The following DCLK1 variants were observed in gnomAD, a reference collection of about 807,000 sequenced individuals.
The protein encoded by DCLK1 is serine/threonine-protein kinase DCLK1.
A neutral mutation model predicts 86.2 loss-of-function variants in DCLK1; 16 were observed. That is an observed-to-expected ratio of 0.19 (90% CI 0.13 to 0.28). The LOEUF (loss-of-function observed/expected upper bound fraction) is 0.28, where lower values mean the gene tolerates loss of function less well. Ranked by LOEUF, DCLK1 falls within the 10% of genes least tolerant of loss-of-function variation. DCLK1 has a pLI of 1.00. For synonymous variants in DCLK1, 369 were observed against 370.5 expected (o/e 1.00, Z 0.05); for missense variants, 590 against 940.2 (o/e 0.63, Z 4.87).
intron 5 of DCLK1, among the ~76,000 whole-genome samples, chr13:35,859,769 C>T (rs1027018794): frequency 6.6e-6 from 1 of 152,108 alleles, no homozygotes; most frequent in Non-Finnish European, 1.5e-5. Context: ...GCTCCCTGTC[C>T]CCAAGATGCT....
At chr13:35,946,700 T>C (rs997599740) in intron 4 of DCLK1, among the ~76,000 whole-genome samples, 3 of 152,220 alleles carry the variant, frequency 2.0e-5, no homozygotes, top group African/African-American at 4.8e-5. Context: ...TAGAATAATC[T>C]TACCTGTGAT....
chr13:36,129,991 C>A (rs904109465), intron 1 of DCLK1, among the ~76,000 whole-genome samples: 3 of 152,134 alleles, frequency 2.0e-5, no homozygotes, highest in African/African-American at 7.2e-5. Context: ...GCTACCACAT[C>A]TAAATAGATG....
intron 3 of DCLK1, among the ~76,000 whole-genome samples, chr13:36,013,386 T>C (rs1236779259): frequency 6.6e-6 from 1 of 151,822 alleles, no homozygotes; most frequent in African/African-American, 2.4e-5. Context: ...TTGTTGATGG[T>C]GATGTACAGA....
Position 35,827,705 on chromosome 13 carries a change from G to A in DCLK1, c.1337C>T (p.Pro446Leu). The A allele has an allele frequency of 6.2e-7, 1 of 1,613,858 alleles. No individual in the cohort carries two copies. Among genetic ancestry groups the A allele is most frequent in the Non-Finnish European group, 8.5e-7 (1 of 1,179,942 alleles). The change falls in exon 10 of 17, where the codon CCC becomes CTC. Residue 446 changes from proline to leucine, a missense_variant. Physicochemically the swap from Pro to Leu is moderately conservative, Grantham distance 98 (BLOSUM62 -3). Coordinates refer to ENST00000360631, the MANE Select transcript of DCLK1 (RefSeq NM_001330071.2). ...EVSILRRVKHPNIVLLIEEMD... is the reference protein window; with the variant it reads ...EVSILRRVKHLNIVLLIEEMD... The stretch of plus-strand genomic sequence containing the variant: ...CTCCTCAATCAGAAGAACGATATTG[G>A]GATGCTTCACTCTTCTTAAAATAGA...
At chr13:35,885,685 T>C (rs888488653) in intron 4 of DCLK1, among the ~76,000 whole-genome samples, 1 of 152,112 alleles carries the variant, frequency 6.6e-6, no homozygotes, top group Non-Finnish European at 1.5e-5. Context: ...CACACAAAAA[T>C]CAGGCATTAA....
intron 3 of DCLK1, among the ~76,000 whole-genome samples, chr13:35,966,045 T>C (rs998370401): frequency 6.6e-6 from 1 of 152,216 alleles, no homozygotes; most frequent in African/African-American, 2.4e-5. Flanking sequence ...GAAAAAACTT[T>C]TTTGAAAATA....
At chr13:35,791,585 T>C (rs939102344) in intron 16 of DCLK1, among the ~76,000 whole-genome samples, 3 of 152,166 alleles carry the variant, frequency 2.0e-5, no homozygotes, top group Non-Finnish European at 4.4e-5. Flanking sequence ...CCAACTTTGA[T>C]TAAAATAGGA....
chr13:35,815,706 TC>T, intron 11 of DCLK1, among the ~76,000 whole-genome samples: 1 of 152,316 alleles, frequency 6.6e-6, no homozygotes, highest in South Asian at 2.1e-4. Context: ...TAAATTTAAA[TC>T]TTTAATCTTT....
Position 35,871,214 on chromosome 13 carries a change from G to T in DCLK1, c.940+10C>A. On this transcript the variant is annotated intron_variant, in intron 5 of 16. Transcript: ENST00000360631. ...AGGCAATTTCTTCAAAATCCCCTCT[G>T]CTGCTTTACCTGAGCTGGTGGAGGC... 6.2e-7 allele frequency: 1 copy of T among 1,608,692 alleles called. No homozygotes were observed. The highest frequency in any genetic ancestry group is 8.5e-7 in the Non-Finnish European group (1 of 1,175,852).
chr13:35,921,355 C>T (rs899123646), intron 4 of DCLK1, among the ~76,000 whole-genome samples: 2 of 152,240 alleles, frequency 1.3e-5, no homozygotes, highest in Admixed American at 1.3e-4. Flanking sequence ...ACCTGCCCGG[C>T]CACAACACCC....
At chr13:35,889,388 A>G (rs1169077491) in intron 4 of DCLK1, among the ~76,000 whole-genome samples, 3 of 152,194 alleles carry the variant, frequency 2.0e-5, no homozygotes, top group Non-Finnish European at 2.9e-5. Context: ...AGAAGGAAGC[A>G]ATAAATCACC....
intron 3 of DCLK1, among the ~76,000 whole-genome samples, chr13:35,980,963 C>T (rs746440867): frequency 4.6e-5 from 7 of 151,940 alleles, no homozygotes; most frequent in Non-Finnish European, 1.0e-4. Flanking sequence ...CAGCCCTAGT[C>T]CTGAATATGA....
At chr13:35,783,536 T>C (rs2086567569) in intron 16 of DCLK1, among the ~76,000 whole-genome samples, 1 of 152,158 alleles carries the variant, frequency 6.6e-6, no homozygotes, top group African/African-American at 2.4e-5. Context: ...AGCCACACTC[T>C]CTCTGTACAC....
At chr13:35,899,274 A>AGTTCTCTCT (rs1211254374) in intron 4 of DCLK1, among the ~76,000 whole-genome samples, 1 of 151,848 alleles carries the variant, frequency 6.6e-6, no homozygotes, top group Non-Finnish European at 1.5e-5. Context: ...CCCCAGGATA[A>AGTTCTCTCT]TAATATGAGA....
At chr13:36,060,466 A>G (rs1883499679) in intron 3 of DCLK1, among the ~76,000 whole-genome samples, 1 of 152,172 alleles carries the variant, frequency 6.6e-6, no homozygotes, top group Non-Finnish European at 1.5e-5. Context: ...TGAGTATGCA[A>G]ATAGATGTAC....
intron 5 of DCLK1, 26 bp from the exon 6 acceptor site, chr13:35,854,619 G>T: frequency 6.6e-7 from 1 of 1,520,286 alleles, no homozygotes. Flanking sequence ...ATCACACACA[G>T]AGAAAAATGG....
chr13:36,125,689 G>C (rs376698212), intron 2 of DCLK1, 73 bp downstream of exon 2: 1 of 1,529,500 alleles, frequency 6.5e-7, no homozygotes, highest in Non-Finnish European at 8.8e-7. Flanking sequence ...GGGCAAATGC[G>C]AATCGGCTAC....
intron 6 of DCLK1, chr13:35,849,514 A>G: frequency 1.0e-6 from 1 of 981,544 alleles, no homozygotes; most frequent in African/African-American, 1.7e-5. Context: ...CCACTAGGAT[A>G]TGGCTTAAAT....
chr13:35,941,011 G>A (rs1382295947), intron 4 of DCLK1, among the ~76,000 whole-genome samples: 1 of 152,068 alleles, frequency 6.6e-6, no homozygotes, highest in Non-Finnish European at 1.5e-5. Flanking sequence ...CTCATTTGAG[G>A]TCCGTTACAA....
Sources: gnomAD v4.1 joint callset for allele counts (sites outside exome capture counted in the v4.1 genomes callset) on GRCh38, gnomAD v4.1.1 for gene constraint, MANE v1.5 for transcripts, NCBI Gene and HGNC (gene_info 2026-07-23, HGNC 2026-07-21) for gene names.